The following IREB2 variants were observed in gnomAD, a reference collection of about 807,000 sequenced individuals.
The protein encoded by IREB2 is iron-responsive element-binding protein 2.
A neutral mutation model predicts 118.8 loss-of-function variants in IREB2; 39 were observed. That is an observed-to-expected ratio of 0.33 (90% CI 0.25 to 0.43). The LOEUF (loss-of-function observed/expected upper bound fraction) is 0.43. Ranked by LOEUF, IREB2 falls within the 20% of genes least tolerant of loss-of-function variation. The pLI is 1.00. For synonymous variants in IREB2, 372 were observed against 392.2 expected (o/e 0.95, Z 0.61); for missense variants, 900 against 1,147.3 (o/e 0.78, Z 3.11).
intron 10 of IREB2, among the ~76,000 whole-genome samples, chr15:78,479,739 A>G (rs1054688145): frequency 1.3e-5 from 2 of 152,170 alleles, no homozygotes; most frequent in African/African-American, 4.8e-5. Context: ...TGTTAGTTTT[A>G]AAGATATTTT....
At chr15:78,470,879 G>A (rs940618659) in intron 6 of IREB2, 1 of 205,584 alleles carries the variant, frequency 4.9e-6, no homozygotes, top group Non-Finnish European at 9.6e-6. Context: ...ATTTTTAGTA[G>A]AGATAGGTTT....
Position 78,483,183 on chromosome 15 carries a change from ATT to A in IREB2, c.1297-134_1297-133del, listed in dbSNP as rs780574441. The A allele has an allele frequency of 9.3e-4, 518 of 554,424 alleles. 2 individuals are homozygous for A. The highest frequency in any genetic ancestry group is 1.3e-3 in the Non-Finnish European group (417 of 311,128). The allele number at this position is 554,424 out of a possible 1,614,324, so 34.3% of individuals were successfully genotyped here. On this transcript the variant is annotated intron_variant, in intron 10 of 21. Coordinates refer to ENST00000258886, the MANE Select transcript of IREB2 (RefSeq NM_004136.4). ...CTTTATTTCTTGGGGTTGAGGGTGT[ATT>A]ATACTATTAAAATAAATTGCATTAA...
At chr15:78,486,876 G>T in intron 13 of IREB2, among the ~76,000 whole-genome samples, 1 of 151,930 alleles carries the variant, frequency 6.6e-6, no homozygotes, top group Non-Finnish European at 1.5e-5. Flanking sequence ...CACTGTGTTG[G>T]CCAGGCTCGT....
At chr15:78,488,097 T>C in intron 14 of IREB2, 83 bp from the exon 15 acceptor site, 2 of 1,347,544 alleles carry the variant, frequency 1.5e-6, no homozygotes, top group South Asian at 1.5e-5. Flanking sequence ...CCTCAGACTT[T>C]AAGATTGCTT....
chr15:78,483,128 T>C (rs1181745132), intron 10 of IREB2, among the ~76,000 whole-genome samples, 190 bp from the exon 11 acceptor site: 2 of 152,214 alleles, frequency 1.3e-5, no homozygotes, highest in Admixed American at 1.3e-4. Flanking sequence ...TTTTCATGTT[T>C]CGTACATTTA....
intron 8 of IREB2, chr15:78,474,008 A>G (rs543834316): frequency 7.9e-5 from 12 of 152,172 alleles, no homozygotes; most frequent in South Asian, 4.1e-4. Flanking sequence ...TCTCTGGATT[A>G]TTATGTAAAA....
chr15:78,469,724 CA>C (rs201535796), intron 5 of IREB2, among the ~76,000 whole-genome samples: 5 of 142,656 alleles, frequency 3.5e-5, no homozygotes, highest in African/African-American at 2.6e-5. Flanking sequence ...AACTCCGTCT[CA>C]AAAAAAAAAG....
Position 78,476,636 on chromosome 15 carries a change from T to G in IREB2, c.1195+277T>G, listed in dbSNP as rs1040242076. The G allele has an allele frequency of 1.8e-5, 4 of 221,550 alleles. No individual in the cohort carries two copies. In the East Asian group the frequency reaches 2.8e-4, roughly 15 times the overall value. The allele number at this position is 221,550 out of a possible 1,614,324, so 13.7% of individuals were successfully genotyped here. On this transcript the variant is annotated intron_variant, in intron 9 of 21. Coordinates refer to ENST00000258886, the MANE Select transcript of IREB2 (RefSeq NM_004136.4). Reference sequence around the variant, plus strand: ...TAATGATGGATACCTCCACCTCTACTTAGGGGTCATAGGTTGCAATTTAAT... The same window carrying G: ...TAATGATGGATACCTCCACCTCTACGTAGGGGTCATAGGTTGCAATTTAAT...
At chr15:78,491,406 G>C (rs1042961241) in intron 18 of IREB2, among the ~76,000 whole-genome samples, 1 of 152,166 alleles carries the variant, frequency 6.6e-6, no homozygotes, top group African/African-American at 2.4e-5. Context: ...TTGTAGTACT[G>C]CTACCTGATT....
intron 18 of IREB2, 23 bp downstream of exon 18, chr15:78,490,784 T>C (rs1383391404): frequency 2.5e-6 from 4 of 1,599,730 alleles, no homozygotes; most frequent in Non-Finnish European, 8.5e-7. Flanking sequence ...GGCTTTAGAG[T>C]GTTTTTGTTT....
rs1318460369 is a variant in IREB2 at position 78,488,330 on chromosome 15, C to T, written c.1945C>T (p.Pro649Ser). ...GTVNIDFQTE[P>S]LGTDPTGKNI... The stretch of plus-strand genomic sequence containing the variant: ...AGTGAATATAGATTTCCAGACAGAA[C>T]CTTTAGGTATCTTTTCCTTTATGTA... The change falls in exon 15 of 22, where the codon CCT (proline) becomes TCT (serine). Residue 649 changes from proline to serine, a missense_variant. By Grantham distance (74) the Pro-to-Ser change is moderately conservative. Transcript: ENST00000258886. 14 of 1,581,594 alleles carry T rather than the reference C, an allele frequency of 8.9e-6. No homozygotes were observed. The highest frequency in any genetic ancestry group is 1.2e-5 in the South Asian group (1 of 84,966).
intron 10 of IREB2, among the ~76,000 whole-genome samples, chr15:78,480,911 A>G (rs1422295028): frequency 6.6e-6 from 1 of 151,678 alleles, no homozygotes; most frequent in Non-Finnish European, 1.5e-5. Context: ...CAGGAGGCTG[A>G]GGCAGGAGAA....
Position 78,463,093 on chromosome 15 carries a change from T to C in IREB2, c.272+6T>C. ...GTTCTTCTTCAAGATTTTACGTGAG[T>C]AATGGGTTTATTTTTTGTGAATGAA... On this transcript the variant is annotated splice_donor_region_variant and intron_variant, in intron 3 of 21. Coordinates refer to ENST00000258886, the MANE Select transcript of IREB2 (RefSeq NM_004136.4). 6.3e-7 allele frequency: 1 copy of C among 1,586,184 alleles called. No homozygotes were observed. Among genetic ancestry groups the C allele is most frequent in the Non-Finnish European group, 8.6e-7 (1 of 1,168,868 alleles).
Position 78,487,809 on chromosome 15 carries a change from G to A in IREB2, c.1786G>A (p.Val596Ile). 1 of 1,575,600 alleles carries A rather than the reference G, an allele frequency of 6.3e-7. No individual in the cohort carries two copies. Among genetic ancestry groups the A allele is most frequent in the Non-Finnish European group, 8.7e-7 (1 of 1,145,864 alleles). Residue 596 changes from valine (V) to isoleucine (I), a missense_variant, in exon 14 of 22, where the codon GTA becomes ATA. Coordinates refer to ENST00000258886, the MANE Select transcript of IREB2 (RefSeq NM_004136.4). ...APLSDAVLNA[V>I]KQGDLVTCGI... ...CTTATCAGACGCAGTTTTAAATGCA[G>A]TAAAACAGGTAAAATGTGTGGATTG...
In IREB2 at chr15:78,488,327, G is replaced by C; in HGVS notation, c.1942G>C (p.Glu648Gln). ...AGTVNIDFQT[E>Q]PLGTDPTGKN... is the part of the protein sequence containing the mutation. ...CACAGTGAATATAGATTTCCAGACA[G>C]AACCTTTAGGTATCTTTTCCTTTAT... is the stretch of plus-strand genomic sequence containing the variant. The change falls in exon 15 of 22, where the codon GAA becomes CAA. Residue 648 changes from glutamate (E) to glutamine (Q), a missense_variant. Transcript: ENST00000258886. 1 of 1,584,706 alleles carries C rather than the reference G, an allele frequency of 6.3e-7. No individual in the cohort carries two copies. Among genetic ancestry groups the C allele is most frequent in the Non-Finnish European group, 8.5e-7 (1 of 1,171,796 alleles).
At chr15:78,475,910 C>T in intron 8 of IREB2, 1 of 233,466 alleles carries the variant, frequency 4.3e-6, no homozygotes. Flanking sequence ...AGTTGAGGTA[C>T]CCTGATTTCA....
At chr15:78,481,418 C>T (rs1032161193) in intron 10 of IREB2, among the ~76,000 whole-genome samples, 3 of 151,704 alleles carry the variant, frequency 2.0e-5, no homozygotes, top group East Asian at 3.9e-4. Flanking sequence ...TGCAGTGACA[C>T]GATCTTGGCT....
intron 9 of IREB2, among the ~76,000 whole-genome samples, chr15:78,477,535 A>G (rs1368723794): frequency 6.6e-6 from 1 of 152,250 alleles, no homozygotes; most frequent in African/African-American, 2.4e-5. Context: ...CTCAAGGGTT[A>G]GGAGAAAGAG....
upstream of IREB2, chr15:78,438,182 G>A (rs1364093106): frequency 1.1e-5 from 7 of 617,292 alleles, no homozygotes; most frequent in East Asian, 1.7e-4. Context: ...GCGCAGACCC[G>A]GGGCTGGCTC....
Sources: allele counts gnomAD v4.1 joint callset (sites outside exome capture counted in the v4.1 genomes callset), GRCh38; gene constraint gnomAD v4.1.1; transcripts MANE v1.5; gene names NCBI Gene and HGNC (gene_info 2026-07-23, HGNC 2026-07-21).